Variants in GNAQ observed in about 807,000 individuals in gnomAD.
GNAQ encodes the protein guanine nucleotide-binding protein G(q) subunit alpha.
In GNAQ, 8 loss-of-function variants were observed where a neutral mutation model predicts 43.9. The observed-to-expected ratio is 0.18, with a 90% CI of 0.11 to 0.33. The LOEUF is 0.33. Among genes scored for constraint, GNAQ ranks in the 10% least tolerant of loss-of-function variants. GNAQ has a pLI of 1.00. For synonymous variants in GNAQ, 155 were observed against 170.7 expected, an observed-to-expected ratio of 0.91 and a Z score of 0.71; for missense variants, 158 against 450.8, an observed-to-expected ratio of 0.35 and a Z score of 5.88.
intron 1 of GNAQ, among the ~76,000 whole-genome samples, chr9:78,018,681 T>C (rs1180429740): frequency 6.6e-6 from 1 of 152,220 alleles, no homozygotes; most frequent in Non-Finnish European, 1.5e-5. Context: ...CCAAACTTTT[T>C]TTTTTACTAT....
chr9:77,801,434 G>A (rs148953974), intron 3 of GNAQ, among the ~76,000 whole-genome samples: 109 of 152,298 alleles, frequency 7.2e-4, no homozygotes, highest in Middle Eastern at 3.4e-3. Context: ...AGCACCTGAT[G>A]CCTGCCAGGC....
chr9:77,996,920 A>G (rs549538988), intron 1 of GNAQ, among the ~76,000 whole-genome samples: 1 of 152,274 alleles, frequency 6.6e-6, no homozygotes, highest in East Asian at 1.9e-4. Context: ...TCAGACATAC[A>G]TAGCATTAAA....
chr9:77,728,769 C>T (rs754402022), intron 5 of GNAQ, 102 bp from the exon 6 acceptor site: 43 of 785,878 alleles, frequency 5.5e-5, no homozygotes, highest in South Asian at 1.9e-4. Flanking sequence ...CTTTTGTATA[C>T]GACCAGTTTT....
intron 1 of GNAQ, among the ~76,000 whole-genome samples, chr9:77,981,306 A>C (rs1823365272): frequency 6.6e-6 from 1 of 152,228 alleles, no homozygotes; most frequent in Admixed American, 6.5e-5. Flanking sequence ...TTAATCATCA[A>C]AAAAAGAGAG....
At chr9:77,958,874 C>T (rs1466864154) in intron 1 of GNAQ, among the ~76,000 whole-genome samples, 1 of 152,164 alleles carries the variant, frequency 6.6e-6, no homozygotes, top group Non-Finnish European at 1.5e-5. Context: ...CAGTTTGCAA[C>T]CCTTGGCAAA....
intron 2 of GNAQ, among the ~76,000 whole-genome samples, chr9:77,910,714 A>G (rs1156980280): frequency 1.3e-5 from 2 of 152,182 alleles, no homozygotes; most frequent in East Asian, 3.9e-4. Flanking sequence ...TTGAATGACT[A>G]AAGAACATCA....
intron 1 of GNAQ, among the ~76,000 whole-genome samples, chr9:77,944,858 T>C (rs1564159300): frequency 6.6e-6 from 1 of 152,170 alleles, no homozygotes; most frequent in Non-Finnish European, 1.5e-5. Flanking sequence ...CTAAATACTT[T>C]ACGAAACAGC....
intron 1 of GNAQ, among the ~76,000 whole-genome samples, chr9:77,993,329 T>C (rs1425406075): frequency 3.9e-5 from 6 of 152,240 alleles, no homozygotes; most frequent in Admixed American, 3.3e-4. Flanking sequence ...TCAGTATAAG[T>C]AAAGCAAAGC....
chr9:78,021,753 GC>G (rs1366093346), intron 1 of GNAQ, among the ~76,000 whole-genome samples: 6 of 152,216 alleles, frequency 3.9e-5, no homozygotes, highest in African/African-American at 1.4e-4. Context: ...GTTGTGTTTG[GC>G]TTCAGTCACA....
chr9:77,895,866 C>T lies in GNAQ; in HGVS notation c.321+26295G>A, dbSNP rs144359340. Among the ~76,000 whole-genome samples, 1,147 of 152,278 alleles carry T rather than the reference C, an allele frequency of 7.5e-3. 22 individuals are homozygous for T. The highest frequency in any genetic ancestry group is 0.026 in the African/African-American group (1,067 of 41,544). ...AGGAGTTGCCCTGCACAAGCTCTCT[C>T]TGTCTGCTGCCATCCACGTAAGATA... On this transcript the variant is annotated intron_variant, in intron 2 of 6. Coordinates refer to ENST00000286548, the MANE Select transcript of GNAQ (RefSeq NM_002072.5).
At chr9:77,996,742 A>C (rs1440752527) in intron 1 of GNAQ, among the ~76,000 whole-genome samples, 1 of 152,146 alleles carries the variant, frequency 6.6e-6, no homozygotes, top group Admixed American at 6.6e-5. Flanking sequence ...AGATAAATTA[A>C]GATTTTAAGA....
intron 1 of GNAQ, among the ~76,000 whole-genome samples, chr9:77,924,849 A>G (rs1389118083): frequency 6.6e-6 from 1 of 152,106 alleles, no homozygotes; most frequent in African/African-American, 2.4e-5. Context: ...TTTCTCAACC[A>G]TCTCATCTTG....
At chr9:78,004,313 C>G (rs1449241473) in intron 1 of GNAQ, among the ~76,000 whole-genome samples, 2 of 151,910 alleles carry the variant, frequency 1.3e-5, no homozygotes, top group East Asian at 3.9e-4. Context: ...GTTAAATGCT[C>G]CAGCTACCTT....
intron 2 of GNAQ, among the ~76,000 whole-genome samples, chr9:77,870,329 T>TA (rs1280315029): frequency 6.8e-6 from 1 of 147,164 alleles, no homozygotes; most frequent in East Asian, 2.0e-4. Flanking sequence ...TGCTAGTTTT[T>TA]TTTTTTTTTT....
At chr9:77,930,947 G>A (rs1405207286) in intron 1 of GNAQ, among the ~76,000 whole-genome samples, 1 of 151,964 alleles carries the variant, frequency 6.6e-6, no homozygotes, top group Non-Finnish European at 1.5e-5. Context: ...TCTCATAGAA[G>A]CATGAACCCT....
intron 1 of GNAQ, among the ~76,000 whole-genome samples, chr9:77,961,932 C>A (rs546978408): frequency 1.3e-5 from 2 of 152,064 alleles, no homozygotes; most frequent in African/African-American, 2.4e-5. Flanking sequence ...GGTTCCACCA[C>A]CTCAAGAATG....
chr9:77,904,317 C>CTTTTTTTTTTTTTTTTTT, intron 2 of GNAQ, among the ~76,000 whole-genome samples: 1 of 77,430 alleles, frequency 1.3e-5, no homozygotes, highest in Non-Finnish European at 2.2e-5. Flanking sequence ...TTCACACCGG[C>CTTTTTTTTTTTTTTTTTT]TTTTTTTTTT....
chr9:77,761,555 C>T (rs1175914873), intron 5 of GNAQ, among the ~76,000 whole-genome samples: 175 of 140,058 alleles, frequency 1.2e-3, no homozygotes, highest in African/African-American at 4.3e-3. Flanking sequence ...GTGGGGGGGT[C>T]AGCCCCCCGC....
intron 5 of GNAQ, among the ~76,000 whole-genome samples, chr9:77,781,907 T>C (rs1826399473): frequency 6.6e-6 from 1 of 152,122 alleles, no homozygotes; most frequent in Non-Finnish European, 1.5e-5. Flanking sequence ...ACAGCTAATA[T>C]CATATTTAAT....
Sources: gnomAD v4.1 joint callset for allele counts (sites outside exome capture counted in the v4.1 genomes callset) on GRCh38, gnomAD v4.1.1 for gene constraint, MANE v1.5 for transcripts, NCBI Gene and HGNC (gene_info 2026-07-23, HGNC 2026-07-21) for gene names.